RAB35: variants seen among roughly 807,000 people sequenced by gnomAD.
RAB35 encodes the protein ras-related protein Rab-35.
A neutral mutation model predicts 28.9 loss-of-function variants in RAB35; 4 were observed. The observed-to-expected ratio is 0.14, with a 90% CI of 0.07 to 0.32. RAB35 has a LOEUF of 0.32. Ranked by LOEUF, RAB35 falls within the 10% of genes least tolerant of loss-of-function variation. RAB35 has a pLI of 1.00. For synonymous variants in RAB35, 99 were observed against 105.1 expected, an observed-to-expected ratio of 0.94 and a Z score of 0.35; for missense variants, 128 against 274.0, an observed-to-expected ratio of 0.47 and a Z score of 3.76.
intron 1 of RAB35, among the ~76,000 whole-genome samples, chr12:120,111,477 C>T (rs564740067): frequency 3.3e-5 from 5 of 152,196 alleles, no homozygotes; most frequent in South Asian, 2.1e-4. Flanking sequence ...GTCAAGAGAT[C>T]GAGACCATCC....
chr12:120,102,860 G>A (rs1458900459), intron 3 of RAB35, among the ~76,000 whole-genome samples: 3 of 152,324 alleles, frequency 2.0e-5, no homozygotes, highest in South Asian at 2.1e-4. Context: ...GGAGGTGCCC[G>A]TGGAGCCAGA....
At chr12:120,098,747 G>A (rs1875535320) in intron 5 of RAB35, 64 bp downstream of exon 5, 1 of 1,604,256 alleles carries the variant, frequency 6.2e-7, no homozygotes. Context: ...GCCTCAAGCA[G>A]GCCAGCAGCA....
intron 1 of RAB35, among the ~76,000 whole-genome samples, chr12:120,116,397 G>A (rs1350488240): frequency 6.6e-6 from 1 of 151,938 alleles, no homozygotes; most frequent in African/African-American, 2.4e-5. Flanking sequence ...GACCCGGCGC[G>A]CTTGGCCCCT....
intron 3 of RAB35, among the ~76,000 whole-genome samples, chr12:120,101,542 G>C (rs1875657980): frequency 6.6e-6 from 1 of 152,216 alleles, no homozygotes; most frequent in African/African-American, 2.4e-5. Flanking sequence ...TCGGAAAAAA[G>C]TCACGCTACT....
Position 120,097,161 on chromosome 12 carries a change from CTGA to C in RAB35, c.*81_*83del, listed in dbSNP as rs769748545. The C allele has an allele frequency of 1.3e-5, 21 of 1,612,942 alleles. No individual in the cohort carries two copies. In the Admixed American group the frequency reaches 3.5e-4, roughly 27 times the overall value. ...GAATTCTTTAAATAACGGCACGAAA[CTGA>C]GACTGTCCCCCGAGGAACCTCCGTG... is the stretch of plus-strand genomic sequence containing the variant. On this transcript the variant is annotated 3_prime_UTR_variant, in exon 6 of 6. Transcript: ENST00000229340.
At chr12:120,098,754 A>C (rs1242787849) in intron 5 of RAB35, 57 bp downstream of exon 5, 1 of 1,607,292 alleles carries the variant, frequency 6.2e-7, no homozygotes, top group Non-Finnish European at 8.5e-7. Context: ...GCAGGCCAGC[A>C]GCATGGAGAA....
intron 1 of RAB35, among the ~76,000 whole-genome samples, chr12:120,113,396 C>T (rs1208108193): frequency 6.6e-6 from 1 of 152,142 alleles, no homozygotes; most frequent in Non-Finnish European, 1.5e-5. Flanking sequence ...CTCTCTGAGC[C>T]TCAATTTACT....
chr12:120,107,260 T>TA (rs1875926803), intron 2 of RAB35, among the ~76,000 whole-genome samples: 1 of 152,150 alleles, frequency 6.6e-6, no homozygotes, highest in Non-Finnish European at 1.5e-5. Flanking sequence ...GTGCTGGGAT[T>TA]ACAGGTGTGA....
chr12:120,104,537 C>T (rs937818778), intron 2 of RAB35, among the ~76,000 whole-genome samples: 18 of 152,188 alleles, frequency 1.2e-4, no homozygotes, highest in South Asian at 4.1e-4. Flanking sequence ...CTTCCAAGAA[C>T]GTGGACTTTC....
rs1363240104 is a variant in RAB35, at chr12:120,103,320, G to T, written c.227+506C>A. 6.6e-6 allele frequency among the ~76,000 whole-genome samples: 1 copy of T among 152,226 alleles called. No individual in the cohort carries two copies. The highest frequency in any genetic ancestry group is 2.4e-5 in the African/African-American group (1 of 41,454). ...CCGGATTTCCCAGGAACAGCTTTAA[G>T]GGTAGGGAAGGGCCTGCTGACATGC... On this transcript the variant is annotated intron_variant, in intron 3 of 5. Transcript: ENST00000229340. This position sits in a 1 kb window ranked among gnomAD's most constrained non-coding sequence, Gnocchi z 6.1.
chr12:120,096,161 C>T lies in RAB35; in HGVS notation c.*1084G>A, dbSNP rs2240311. 98,600 of 336,480 alleles carry T rather than the reference C, an allele frequency of 0.29. 19,904 individuals carry two copies. The highest frequency in any genetic ancestry group is 0.69 in the African/African-American group (31,978 of 46,140). 20.8% of individuals were successfully genotyped at this position (336,480 alleles called of 1,614,324 possible). On this transcript the variant is annotated 3_prime_UTR_variant, in exon 6 of 6. Coordinates refer to ENST00000229340, the MANE Select transcript of RAB35 (RefSeq NM_006861.7). ...CCAGGCATGCACTCCCCACAGTGCCCGAGGCTGCAGTGTAGACTCCTGACC... is the reference window on the plus strand; with the variant it reads ...CCAGGCATGCACTCCCCACAGTGCCTGAGGCTGCAGTGTAGACTCCTGACC...
Position 120,098,586 on chromosome 12 carries a change from G to A in RAB35, c.477+225C>T, listed in dbSNP as rs1875529882. ...GGTCCTTGAGTTACTTCAACACTTG[G>A]AGCCTCAGTTTCCCTATTTGAAATG... On this transcript the variant is annotated intron_variant, in intron 5 of 5. Transcript: ENST00000229340. Among the ~76,000 whole-genome samples, 4 of 152,370 alleles carry A rather than the reference G, an allele frequency of 2.6e-5. No homozygotes were observed. In the South Asian group the frequency reaches 6.2e-4, roughly 24 times the overall value.
intron 1 of RAB35, among the ~76,000 whole-genome samples, chr12:120,110,768 G>A (rs1876084639): frequency 6.6e-6 from 1 of 152,184 alleles, no homozygotes. Flanking sequence ...AGTAAGCCTG[G>A]GTCCTACTTT....
intron 1 of RAB35, among the ~76,000 whole-genome samples, chr12:120,112,492 G>A (rs553128355): frequency 3.3e-5 from 5 of 151,248 alleles, no homozygotes; most frequent in Admixed American, 1.3e-4. Context: ...GTGCAGCAGC[G>A]TGATCATAGC....
intron 3 of RAB35, among the ~76,000 whole-genome samples, chr12:120,101,950 A>C (rs971844785): frequency 1.3e-5 from 2 of 152,126 alleles, no homozygotes; most frequent in African/African-American, 4.8e-5. Context: ...CTGCTGAAAG[A>C]GCCTCGGACC....
intron 1 of RAB35, among the ~76,000 whole-genome samples, chr12:120,113,594 G>A (rs867112971): frequency 1.1e-4 from 17 of 152,072 alleles, no homozygotes; most frequent in East Asian, 1.9e-4. Flanking sequence ...CGAGGCGGGC[G>A]GATCACGAGG....
chr12:120,108,073 C>T (rs909941224), intron 2 of RAB35, among the ~76,000 whole-genome samples: 2 of 152,064 alleles, frequency 1.3e-5, no homozygotes, highest in Non-Finnish European at 2.9e-5. Flanking sequence ...GAAAGACACA[C>T]GCTGACCACA....
rs767151913 is a variant in RAB35 at position 120,103,010 on chromosome 12, C to T, written c.227+816G>A. On this transcript the variant is annotated intron_variant, in intron 3 of 5. Transcript: ENST00000229340. The surrounding 1 kb of genome is among the most constrained non-coding windows in gnomAD (Gnocchi z 6.1). ...AGCTGCCAGACACCACACCCCGGCACGCACGTTGACGCCTGCAGCAGAGCA... is the reference window on the plus strand; with the variant it reads ...AGCTGCCAGACACCACACCCCGGCATGCACGTTGACGCCTGCAGCAGAGCA... 1.3e-5 allele frequency among the ~76,000 whole-genome samples: 2 copies of T among 152,322 alleles called. No individual in the cohort carries two copies. Among genetic ancestry groups the T allele is most frequent in the African/African-American group, 2.4e-5 (1 of 41,574 alleles).
rs1007036932 is a variant in RAB35, at chr12:120,108,298, G to C, written c.103+119C>G. The C allele has an allele frequency of 3.8e-6, 4 of 1,059,304 alleles. No homozygotes were observed. The African/African-American group carries it at 6.4e-5, about 17-fold the overall frequency. 65.6% of individuals were successfully genotyped at this position (1,059,304 alleles called of 1,614,324 possible). A position where few individuals can be genotyped will look rare whatever the true frequency, so the allele number is the denominator to read the frequency against. ...CCACTCCATCTTCTTCCCTCCTCTGGCAACCAGAATGAGACAGTTCCCAAC... is the reference window on the plus strand; with the variant it reads ...CCACTCCATCTTCTTCCCTCCTCTGCCAACCAGAATGAGACAGTTCCCAAC... On this transcript the variant is annotated intron_variant, in intron 2 of 5. Transcript: ENST00000229340.
Sources: allele counts gnomAD v4.1 joint callset (sites outside exome capture counted in the v4.1 genomes callset), GRCh38; gene constraint gnomAD v4.1.1; non-coding constraint Gnocchi (gnomAD v3.1); transcripts MANE v1.5; gene names NCBI Gene and HGNC (gene_info 2026-07-23, HGNC 2026-07-21).